Variants in EHBP1 observed in about 807,000 individuals in gnomAD.
The protein encoded by EHBP1 is EH domain binding protein 1, also known as EH domain-binding protein 1.
EHBP1 carries 55 observed loss-of-function variants against 144.0 expected under a neutral mutation model. The ratio of observed to expected loss-of-function variants is 0.38; its 90% CI spans 0.31 to 0.48. The LOEUF (loss-of-function observed/expected upper bound fraction) is 0.48. EHBP1 is among the 20% of genes least tolerant of loss of function. The pLI is 0.98. For missense variants in EHBP1, 1,200 were observed against 1,364.2 expected, an observed-to-expected ratio of 0.88 and a Z score of 1.90; for synonymous variants, 469 against 472.7, an observed-to-expected ratio of 0.99 and a Z score of 0.10.
At chr2:62,863,210 G>A (rs2049733138) in intron 8 of EHBP1, among the ~76,000 whole-genome samples, 1 of 152,054 alleles carries the variant, frequency 6.6e-6, no homozygotes, top group Admixed American at 6.6e-5. Context: ...GCTTGAACTG[G>A]GGAGGCGGAG....
At chr2:62,832,212 ATTCAAATAAAATTCAAAAGTCTCTTGAAT>A (rs1397307442) in intron 7 of EHBP1, among the ~76,000 whole-genome samples, 1 of 152,178 alleles carries the variant, frequency 6.6e-6, no homozygotes, top group Non-Finnish European at 1.5e-5. Flanking sequence ...TTGCTTATTC[ATTCAAATAAAATTCAAAAGTCTCTTGAAT>A]TTCAAATGTT....
At chr2:62,766,384 C>T (rs75707303) in intron 4 of EHBP1, among the ~76,000 whole-genome samples, 3,143 of 152,104 alleles carry the variant, frequency 0.021, 78 homozygotes, top group African/African-American at 0.063. Flanking sequence ...ATTAGTAGAC[C>T]AAAGTGGAAT....
At chr2:62,737,554 G>A (rs542583168) in intron 2 of EHBP1, among the ~76,000 whole-genome samples, 13 of 152,224 alleles carry the variant, frequency 8.5e-5, no homozygotes, top group Admixed American at 5.2e-4. Context: ...TTTGCCCTGC[G>A]ACCTCATTTC....
At chr2:62,981,429 AAAT>A (rs1441853189) in intron 15 of EHBP1, among the ~76,000 whole-genome samples, 4 of 152,220 alleles carry the variant, frequency 2.6e-5, no homozygotes, top group African/African-American at 9.6e-5. Flanking sequence ...GTAGGAGAAC[AAAT>A]AATAATAGGA....
chr2:62,943,981 G>GC, intron 12 of EHBP1, 131 bp downstream of exon 12: 1 of 576,078 alleles, frequency 1.7e-6, no homozygotes, highest in South Asian at 3.0e-5. Flanking sequence ...TCTGCTTACT[G>GC]CGGTTCATTA....
intron 2 of EHBP1, among the ~76,000 whole-genome samples, chr2:62,719,571 G>C (rs567247410): frequency 6.6e-6 from 1 of 152,302 alleles, no homozygotes; most frequent in East Asian, 1.9e-4. Flanking sequence ...ACAAAGTATA[G>C]TTGGTCCTCT....
At chr2:62,923,009 G>A (rs916715003) in intron 10 of EHBP1, among the ~76,000 whole-genome samples, 4 of 152,154 alleles carry the variant, frequency 2.6e-5, no homozygotes, top group African/African-American at 7.2e-5. Context: ...AGCATAAGGT[G>A]TGCACTCCCC....
At chr2:62,904,276 C>T (rs1228502410) in intron 10 of EHBP1, among the ~76,000 whole-genome samples, 1 of 152,200 alleles carries the variant, frequency 6.6e-6, no homozygotes. Flanking sequence ...ACTCCGAGTA[C>T]TTCCTCACAT....
chr2:62,686,742 C>A (rs1341895332), intron 1 of EHBP1, among the ~76,000 whole-genome samples: 1 of 152,116 alleles, frequency 6.6e-6, no homozygotes, highest in Non-Finnish European at 1.5e-5. Flanking sequence ...TATTGCACAC[C>A]ATTTATTTCA....
At chr2:62,712,589 T>A (rs561108617) in intron 2 of EHBP1, among the ~76,000 whole-genome samples, 14 of 152,174 alleles carry the variant, frequency 9.2e-5, no homozygotes, top group Non-Finnish European at 1.9e-4. Context: ...AATGTATAAC[T>A]GAGGGGAAGA....
intron 5 of EHBP1, among the ~76,000 whole-genome samples, chr2:62,783,578 C>T (rs1188229625): frequency 1.3e-5 from 2 of 152,228 alleles, no homozygotes; most frequent in Non-Finnish European, 2.9e-5. Flanking sequence ...TAGAAGCTGC[C>T]AAGGCTTGGG....
intron 5 of EHBP1, among the ~76,000 whole-genome samples, chr2:62,798,959 G>C (rs1018090772): frequency 3.5e-5 from 5 of 142,458 alleles, no homozygotes; most frequent in Non-Finnish European, 4.5e-5. Flanking sequence ...AGCCGAGATC[G>C]TGCCACTGCA....
chr2:62,885,017 C>A (rs1280356923), intron 10 of EHBP1, among the ~76,000 whole-genome samples: 1 of 152,052 alleles, frequency 6.6e-6, no homozygotes, highest in Non-Finnish European at 1.5e-5. Context: ...TTAATTAAAC[C>A]TTTTGGATAA....
intron 14 of EHBP1, among the ~76,000 whole-genome samples, chr2:62,977,329 T>C (rs541396097): frequency 1.8e-4 from 28 of 152,134 alleles, no homozygotes; most frequent in Non-Finnish European, 3.1e-4. Flanking sequence ...TTTTGCCCTA[T>C]GTTCAGGAAA....
intron 14 of EHBP1, among the ~76,000 whole-genome samples, chr2:62,976,199 C>T (rs1187298542): frequency 6.6e-6 from 1 of 152,016 alleles, no homozygotes; most frequent in African/African-American, 2.4e-5. Context: ...GTGAAATTGT[C>T]TCTCTACTGG....
intron 15 of EHBP1, among the ~76,000 whole-genome samples, chr2:62,983,464 T>C (rs1184946494): frequency 6.6e-6 from 1 of 152,076 alleles, no homozygotes; most frequent in African/African-American, 2.4e-5. Flanking sequence ...ACATATTTTG[T>C]TATTATTTAT....
chr2:62,944,809 G>A (rs940764101), intron 12 of EHBP1, among the ~76,000 whole-genome samples: 4 of 152,136 alleles, frequency 2.6e-5, no homozygotes, highest in Non-Finnish European at 4.4e-5. Flanking sequence ...CATTCTGTGT[G>A]CAAAGAGGGA....
intron 10 of EHBP1, among the ~76,000 whole-genome samples, chr2:62,889,372 T>C (rs1235043701): frequency 6.6e-6 from 1 of 152,154 alleles, no homozygotes; most frequent in African/African-American, 2.4e-5. Flanking sequence ...ATTGATAGTT[T>C]CTTTTGCTGT....
At chr2:62,976,212 T>G (rs189320894) in intron 14 of EHBP1, among the ~76,000 whole-genome samples, 1 of 152,266 alleles carries the variant, frequency 6.6e-6, no homozygotes, top group Admixed American at 6.5e-5. Context: ...TCTACTGGGT[T>G]CTTCTAATTG....
Sources: allele counts gnomAD v4.1 joint callset (sites outside exome capture counted in the v4.1 genomes callset), GRCh38; gene constraint gnomAD v4.1.1; transcripts MANE v1.5; gene names NCBI Gene and HGNC (gene_info 2026-07-23, HGNC 2026-07-21).